The following BAZ2A variants were observed in gnomAD, a reference collection of about 807,000 sequenced individuals.
BAZ2A encodes bromodomain adjacent to zinc finger domain 2A, also known as bromodomain adjacent to zinc finger domain protein 2A.
BAZ2A carries 34 observed loss-of-function variants against 199.9 expected under a neutral mutation model. The ratio of observed to expected loss-of-function variants is 0.17; its 90% CI spans 0.13 to 0.23. The LOEUF (loss-of-function observed/expected upper bound fraction) is 0.23. Among genes scored for constraint, BAZ2A ranks in the 10% least tolerant of loss-of-function variants. The pLI, the probability that BAZ2A is intolerant of heterozygous loss-of-function variation, is 1.00. For missense variants in BAZ2A, 2,002 were observed against 2,391.1 expected, an observed-to-expected ratio of 0.84 and a Z score of 3.39; for synonymous variants, 857 against 883.9, an observed-to-expected ratio of 0.97 and a Z score of 0.54.
At chr12:56,605,397 G>C in intron 13 of BAZ2A, 70 bp from the exon 14 acceptor site, 1 of 1,419,236 alleles carries the variant, frequency 7.0e-7, no homozygotes, top group Non-Finnish European at 9.4e-7. Context: ...ATGTCTACAA[G>C]AGGTTCTTCC....
At position 56,598,975 on chromosome 12, in the gene BAZ2A, G is replaced by C; in HGVS notation, c.5439C>G (p.Ala1813=). 6.2e-7 allele frequency: 1 copy of C among 1,610,812 alleles called. No individual in the cohort carries two copies. Among genetic ancestry groups the C allele is most frequent in the Non-Finnish European group, 8.5e-7 (1 of 1,178,634 alleles). Residue 1813 remains alanine (A), a synonymous_variant, in exon 28 of 29, where the codon GCC becomes GCG. Transcript: ENST00000549884. The stretch of plus-strand genomic sequence containing the variant: ...GGTTCACAGGCTCTAGGAAAGGCCA[G>C]GCTGCATCATGGGACTCCATCTCCA... ...ILMEMESHDA[A]WPFLEPVNPR...
intron 1 of BAZ2A, among the ~76,000 whole-genome samples, chr12:56,619,511 A>G (rs1592607495): frequency 1.3e-5 from 2 of 149,476 alleles, no homozygotes; most frequent in East Asian, 3.9e-4. Context: ...CCTGTCTCAA[A>G]AAAAAAAAAA....
At chr12:56,602,926 A>G (rs1380367047) in intron 18 of BAZ2A, 69 bp from the exon 19 acceptor site, 4 of 1,497,312 alleles carry the variant, frequency 2.7e-6, no homozygotes, top group Middle Eastern at 1.8e-4. Flanking sequence ...TTCATCCAGT[A>G]TATCAGAGAA....
At chr12:56,612,291 ATCACAT>A in intron 5 of BAZ2A, 45 bp from the exon 6 acceptor site, 1 of 1,489,420 alleles carries the variant, frequency 6.7e-7, no homozygotes, top group Non-Finnish European at 9.1e-7. Context: ...AAAAAAAGGC[ATCACAT>A]AAAACAAGAG....
upstream of BAZ2A, among the ~76,000 whole-genome samples, chr12:56,632,653 G>A (rs1951346646): frequency 6.6e-6 from 1 of 152,160 alleles, no homozygotes; most frequent in Non-Finnish European, 1.5e-5. Flanking sequence ...TGTTGGATAG[G>A]AGAGGACCAC....
rs376931482 is a variant in BAZ2A, at chr12:56,610,500, C to T, written c.1688G>A (p.Arg563His). Reference sequence around the variant, plus strand: ...CCATCGGTGGCTGCCCTTCTTGATGCGCACCTCTCTCCGCCACCTGCCAGA... The same window carrying T: ...CCATCGGTGGCTGCCCTTCTTGATGTGCACCTCTCTCCGCCACCTGCCAGA... Reference protein sequence around the residue: ...PLQHGWRREVRIKKGSHRWQG... With the variant: ...PLQHGWRREVHIKKGSHRWQG... The change falls in exon 8 of 29, where the codon CGC (arginine) becomes CAC (histidine). Residue 563 changes from arginine (R) to histidine (H), a missense_variant. By Grantham distance (29) the Arg-to-His change is conservative (BLOSUM62 0). Coordinates refer to ENST00000549884, the MANE Select transcript of BAZ2A (RefSeq NM_001300905.2). The T allele has an allele frequency of 1.7e-4, 277 of 1,612,108 alleles. No homozygotes were observed. The highest frequency in any genetic ancestry group is 3.3e-4 in the Middle Eastern group (2 of 6,082).
At position 56,623,909 on chromosome 12, in the gene BAZ2A, C is replaced by T. The variant is rs915321756; in HGVS notation, c.-3+6216G>A. Among the ~76,000 whole-genome samples the T allele has an allele frequency of 3.9e-5, 6 of 152,098 alleles. No individual in the cohort carries two copies. The South Asian group carries it at 8.3e-4, about 21-fold the overall frequency. On this transcript the variant is annotated intron_variant, in intron 1 of 28. Coordinates refer to ENST00000549884, the MANE Select transcript of BAZ2A (RefSeq NM_001300905.2). Reference sequence around the variant, plus strand: ...CAGTTCCTGACACTGCAAATGAGGACGCTTTGGCTTTTGTATCTAAAAACC... The same window carrying T: ...CAGTTCCTGACACTGCAAATGAGGATGCTTTGGCTTTTGTATCTAAAAACC...
At chr12:56,610,589 GC>G in intron 7 of BAZ2A, 72 bp from the exon 8 acceptor site, 1 of 1,382,802 alleles carries the variant, frequency 7.2e-7, no homozygotes, top group Non-Finnish European at 1.0e-6. Flanking sequence ...TAAGCGCGAA[GC>G]CCTCTGAGCA....
intron 1 of BAZ2A, chr12:56,620,993 C>G (rs147500929): frequency 8.4e-4 from 740 of 882,398 alleles, no homozygotes; most frequent in Middle Eastern, 1.7e-3. Context: ...CAGTTAGGTT[C>G]CTTCCAAAGC....
Position 56,610,161 on chromosome 12 carries a change from G to A in BAZ2A, c.1834C>T (p.Pro612Ser). ...SVRREHFSFS[P>S]RMPVGDFFEE... ...AAGAAATCTCCAACAGGCATACGGG[G>A]ACTGAAGCTGAAGTGCTCTCGGCGG... The change falls in exon 9 of 29, where the codon CCC (proline) becomes TCC (serine). Residue 612 changes from proline (P) to serine (S), a missense_variant. Around this residue, in one of 6 missense-constraint regions of BAZ2A, gnomAD observed 74 missense variants for 126.1 expected, o/e 0.59. Coordinates refer to ENST00000549884, the MANE Select transcript of BAZ2A (RefSeq NM_001300905.2). The A allele has an allele frequency of 6.2e-7, 1 of 1,613,938 alleles. No individual in the cohort carries two copies. The highest frequency in any genetic ancestry group is 8.5e-7 in the Non-Finnish European group (1 of 1,179,868).
rs1466834461 is a variant in BAZ2A, at chr12:56,605,108, C to A, written c.2713G>T (p.Ala905Ser). ...QDLLVRLLKAALHDPGFPSYC... is the reference protein window; with the variant it reads ...QDLLVRLLKASLHDPGFPSYC... ...GAGGGAAAGCCAGGATCATGGAGTG[C>A]AGCCTTCAGCAGCCTGACCAGCAGG... Residue 905 changes from alanine to serine, a missense_variant, in exon 14 of 29, where the codon GCA (alanine) becomes TCA (serine). Physicochemically the swap from Ala to Ser is moderately conservative, Grantham distance 99 (BLOSUM62 1). Transcript: ENST00000549884. 4 of 1,612,280 alleles carry A rather than the reference C, an allele frequency of 2.5e-6. No homozygotes were observed. Among genetic ancestry groups the A allele is most frequent in the African/African-American group, 2.7e-5 (2 of 74,868 alleles).
At chr12:56,634,975 G>A (rs1592639269), upstream of BAZ2A, 3 of 984,932 alleles carry the variant, frequency 3.0e-6, no homozygotes, top group Non-Finnish European at 3.6e-6. Context: ...AGGCGGCGGC[G>A]GCGGCGGCAG....
intron 1 of BAZ2A, among the ~76,000 whole-genome samples, chr12:56,628,606 G>A (rs919571668): frequency 3.3e-5 from 5 of 152,102 alleles, no homozygotes. Flanking sequence ...CAAGGACTGA[G>A]TTCACCAATC....
In BAZ2A at chr12:56,597,695, C is replaced by T. The variant is rs1444696701; in HGVS notation, c.*923G>A. ...ACACAGCGCTCTCTCTGAGGCCGGC[C>T]CCATTGCTACCTGGCCTCCATCTTA... On this transcript the variant is annotated 3_prime_UTR_variant, in exon 29 of 29. Transcript: ENST00000549884. 1 of 151,574 alleles carries T rather than the reference C, an allele frequency of 6.6e-6. No individual in the cohort carries two copies. The highest frequency in any genetic ancestry group is 1.4e-5 in the Non-Finnish European group (1 of 69,028). 9.4% of individuals were successfully genotyped at this position (151,574 alleles called of 1,614,324 possible).
chr12:56,602,638 G>A, intron 19 of BAZ2A, 75 bp downstream of exon 19: 3 of 1,539,626 alleles, frequency 1.9e-6, no homozygotes, highest in Non-Finnish European at 2.6e-6. Flanking sequence ...AGAAGCCCAA[G>A]ACTACTAAGG....
In BAZ2A at chr12:56,609,781, A is replaced by G; in HGVS notation, c.2047T>C (p.Leu683=). 1 of 1,613,928 alleles carries G rather than the reference A, an allele frequency of 6.2e-7. No individual in the cohort carries two copies. Among genetic ancestry groups the G allele is most frequent in the South Asian group, 1.1e-5 (1 of 91,068 alleles). Reference sequence around the variant, plus strand: ...AGGGGGCGGTTGTCTGTCTTGTTCAATAGCTCAGTGATTTTGACCTTAGGT... The same window carrying G: ...AGGGGGCGGTTGTCTGTCTTGTTCAGTAGCTCAGTGATTTTGACCTTAGGT... ...RPPKVKITEL[L]NKTDNRPLKK... The change falls in exon 10 of 29, where the codon TTG becomes CTG. Residue 683 remains leucine (L), a synonymous_variant. Coordinates refer to ENST00000549884, the MANE Select transcript of BAZ2A (RefSeq NM_001300905.2).
rs758495116 is a variant in BAZ2A at position 56,599,687 on chromosome 12, G to C, written c.5172+15C>G. On this transcript the variant is annotated intron_variant, in intron 26 of 28. Coordinates refer to ENST00000549884, the MANE Select transcript of BAZ2A (RefSeq NM_001300905.2). ...TTTCTGTTTGAGTGTGGGAAAGAAA[G>C]AGCAGAAGCCTTACCTGAGCCAAAC... 3.1e-6 allele frequency: 5 copies of C among 1,612,802 alleles called. No homozygotes were observed. Among genetic ancestry groups the C allele is most frequent in the Middle Eastern group, 1.9e-4 (1 of 5,144 alleles).
chr12:56,616,015 T>G (rs779416373), intron 2 of BAZ2A, among the ~76,000 whole-genome samples: 1 of 152,212 alleles, frequency 6.6e-6, no homozygotes, highest in Admixed American at 6.5e-5. Context: ...GTGATTCTCC[T>G]GCCTCAGCCT....
At chr12:56,604,346 G>T in intron 15 of BAZ2A, 55 bp from the exon 16 acceptor site, 1 of 1,523,800 alleles carries the variant, frequency 6.6e-7, no homozygotes, top group Non-Finnish European at 9.0e-7. Flanking sequence ...GGGAAAGGAG[G>T]CTCAAGGGTA....
Sources: gnomAD v4.1 joint callset for allele counts (sites outside exome capture counted in the v4.1 genomes callset) on GRCh38, gnomAD v4.1.1 for gene constraint, gnomAD v4.1.1 regional missense constraint, MANE v1.5 for transcripts, NCBI Gene and HGNC (gene_info 2026-07-23, HGNC 2026-07-21) for gene names.